The following BAG4 variants were observed in gnomAD, a reference collection of about 807,000 sequenced individuals.
BAG4 encodes the protein BAG cochaperone 4.
Under a neutral mutation model 52.1 loss-of-function variants are expected in BAG4, and 28 were observed. The observed-to-expected ratio is 0.54, with a 90% CI of 0.40 to 0.74. The LOEUF (loss-of-function observed/expected upper bound fraction) is 0.74. Among genes scored for constraint, BAG4 ranks in the 30% least tolerant of loss-of-function variants. The pLI is 0.00. For missense variants in BAG4, 525 were observed against 572.0 expected (o/e 0.92, Z 0.84); for synonymous variants, 208 against 217.0 (o/e 0.96, Z 0.37).
chr8:38,210,195 A>T lies in BAG4; in HGVS notation c.1076A>T (p.Gln359Leu), dbSNP rs2130694226. Residue 359 changes from glutamine to leucine, a missense_variant, in exon 5 of 5, where the codon CAA (glutamine) becomes CTA (leucine). Coordinates refer to ENST00000287322, the MANE Select transcript of BAG4 (RefSeq NM_004874.4). ...GNATSDHPNNQDQSSSLPEEC... is the reference protein window; with the variant it reads ...GNATSDHPNNLDQSSSLPEEC... Reference sequence around the variant, plus strand: ...GCCACCAGTGACCATCCCAACAATCAAGATCAAAGTAGCAGTCTTCCTGAA... The same window carrying T: ...GCCACCAGTGACCATCCCAACAATCTAGATCAAAGTAGCAGTCTTCCTGAA... The T allele has an allele frequency of 6.2e-7, 1 of 1,614,184 alleles. No homozygotes were observed. The highest frequency in any genetic ancestry group is 1.6e-4 in the Middle Eastern group (1 of 6,062).
At chr8:38,180,035 C>T (rs1003146040) in intron 1 of BAG4, among the ~76,000 whole-genome samples, 10 of 152,072 alleles carry the variant, frequency 6.6e-5, no homozygotes, top group African/African-American at 2.4e-4. Context: ...AAGGGGTTGT[C>T]AGGTGTGGTT....
At chr8:38,189,975 T>A (rs898714547) in intron 1 of BAG4, among the ~76,000 whole-genome samples, 1 of 152,108 alleles carries the variant, frequency 6.6e-6, no homozygotes, top group African/African-American at 2.4e-5. Flanking sequence ...TTAGTAGAGA[T>A]GGGGTTTCAC....
At chr8:38,190,939 G>A (rs910347487) in intron 1 of BAG4, among the ~76,000 whole-genome samples, 1 of 151,882 alleles carries the variant, frequency 6.6e-6, no homozygotes, top group Non-Finnish European at 1.5e-5. Context: ...TGTATTTTTA[G>A]TAGAGACGGG....
intron 2 of BAG4, among the ~76,000 whole-genome samples, chr8:38,203,797 T>C (rs1025554349): frequency 1.4e-5 from 2 of 148,072 alleles, no homozygotes; most frequent in Non-Finnish European, 3.0e-5. Context: ...ATGGTGCCAC[T>C]GTACTCTAGC....
At chr8:38,188,057 A>AAAG (rs1204911656) in intron 1 of BAG4, among the ~76,000 whole-genome samples, 2 of 150,246 alleles carry the variant, frequency 1.3e-5, no homozygotes, top group East Asian at 3.9e-4. Flanking sequence ...AAAAAAAAAA[A>AAAG]AGGAAGAAGA....
chr8:38,197,674 CT>C (rs1423730665), intron 2 of BAG4, among the ~76,000 whole-genome samples: 1 of 152,092 alleles, frequency 6.6e-6, no homozygotes, highest in Admixed American at 6.6e-5. Flanking sequence ...AATACTGTAA[CT>C]TTTTTACTTT....
chr8:38,194,162 G>A (rs567875528), intron 2 of BAG4, among the ~76,000 whole-genome samples: 5 of 152,114 alleles, frequency 3.3e-5, no homozygotes, highest in East Asian at 3.9e-4. Context: ...ATGAGCCATC[G>A]TGCTCGGCCT....
At chr8:38,196,937 C>T (rs1390445034) in intron 2 of BAG4, among the ~76,000 whole-genome samples, 3 of 151,702 alleles carry the variant, frequency 2.0e-5, no homozygotes, top group Admixed American at 6.6e-5. Flanking sequence ...ATTAGCTGGG[C>T]GTGGTGGCAG....
intron 2 of BAG4, among the ~76,000 whole-genome samples, chr8:38,201,156 AGCAACAGTAATAATGT>A (rs1236109136): frequency 6.6e-6 from 1 of 152,228 alleles, no homozygotes; most frequent in African/African-American, 2.4e-5. Context: ...ACTTTTTAAA[AGCAACAGTAATAATGT>A]GCAAATGTTT....
intron 1 of BAG4, among the ~76,000 whole-genome samples, 177 bp downstream of exon 1, chr8:38,177,316 C>T (rs1389754669): frequency 1.3e-5 from 2 of 152,102 alleles, no homozygotes; most frequent in Non-Finnish European, 2.9e-5. Flanking sequence ...TCCCTTTGCC[C>T]CTCCTTTTCT....
chr8:38,212,655 CAG>C lies in BAG4; in HGVS notation c.*2163_*2164del, dbSNP rs748106356. ...TCCAGTCTGTGACAGTGTATCATAA[CAG>C]GGGATACCTGATGTTGTAATGTATT... On this transcript the variant is annotated 3_prime_UTR_variant, in exon 5 of 5. Transcript: ENST00000287322. 3.3e-5 allele frequency: 5 copies of C among 152,308 alleles called. No individual in the cohort carries two copies. Among genetic ancestry groups the C allele is most frequent in the Admixed American group, 6.5e-5 (1 of 15,286 alleles). The allele number at this position is 152,308 out of a possible 1,614,324, so 9.4% of individuals were successfully genotyped here. A position where few individuals can be genotyped will look rare whatever the true frequency, so the allele number is the denominator to read the frequency against.
chr8:38,210,656 T>C lies in BAG4; in HGVS notation c.*163T>C. On this transcript the variant is annotated 3_prime_UTR_variant, in exon 5 of 5. Transcript: ENST00000287322. ...AAACTGGCAAAGGAATGGAAGAATA[T>C]TTTAGTCATGAGTTGTTTTCAGTTT... 2 of 956,040 alleles carry C rather than the reference T, an allele frequency of 2.1e-6. No homozygotes were observed. The highest frequency in any genetic ancestry group is 4.5e-5 in the South Asian group (2 of 44,734). 59.2% of individuals were successfully genotyped at this position (956,040 alleles called of 1,614,324 possible).
At position 38,207,781 on chromosome 8, in the gene BAG4, A is replaced by G. The variant is rs1385678091; in HGVS notation, c.633+15A>G. Reference sequence around the variant, plus strand: ...CGCCTTCACAGGTGAGTTGTTTTCTATTGGGAAAAAAATGAATTCAAAGTC... The same window carrying G: ...CGCCTTCACAGGTGAGTTGTTTTCTGTTGGGAAAAAAATGAATTCAAAGTC... On this transcript the variant is annotated intron_variant, in intron 3 of 4. Coordinates refer to ENST00000287322, the MANE Select transcript of BAG4 (RefSeq NM_004874.4). 3 of 1,612,528 alleles carry G rather than the reference A, an allele frequency of 1.9e-6. No individual in the cohort carries two copies. The highest frequency in any genetic ancestry group is 2.5e-6 in the Non-Finnish European group (3 of 1,179,302).
At chr8:38,199,324 G>T (rs904110879) in intron 2 of BAG4, among the ~76,000 whole-genome samples, 4 of 152,210 alleles carry the variant, frequency 2.6e-5, no homozygotes, top group Admixed American at 1.3e-4. Flanking sequence ...TGCAGTGCAT[G>T]ACTGTATATG....
At chr8:38,194,486 A>T (rs1389863642) in intron 2 of BAG4, among the ~76,000 whole-genome samples, 2 of 138,470 alleles carry the variant, frequency 1.4e-5, no homozygotes, top group African/African-American at 2.7e-5. Context: ...GCGCGATCTC[A>T]GCTCATTGCA....
intron 2 of BAG4, among the ~76,000 whole-genome samples, chr8:38,199,975 CTA>C (rs1563283411): frequency 6.7e-6 from 1 of 150,034 alleles, no homozygotes; most frequent in African/African-American, 2.4e-5. Flanking sequence ...TGTTGAAAGA[CTA>C]TGTTTTTTCC....
At chr8:38,186,499 G>A (rs1803368458) in intron 1 of BAG4, among the ~76,000 whole-genome samples, 2 of 152,200 alleles carry the variant, frequency 1.3e-5, no homozygotes, top group African/African-American at 4.8e-5. Context: ...GGAGGTTGTT[G>A]TGCAAAGCAA....
intron 2 of BAG4, among the ~76,000 whole-genome samples, chr8:38,198,599 C>T (rs1803608244): frequency 6.6e-6 from 1 of 150,714 alleles, no homozygotes; most frequent in Admixed American, 6.6e-5. Context: ...AGCAATTCTC[C>T]TGCCTCAGCC....
intron 4 of BAG4, 154 bp downstream of exon 4, chr8:38,209,421 TTTTC>T (rs1455781158): frequency 1.2e-5 from 11 of 951,298 alleles, no homozygotes; most frequent in South Asian, 2.1e-5. Context: ...TCGGTTTCCT[TTTTC>T]TTTTTTTTAA....
Sources: gnomAD v4.1 joint callset for allele counts (sites outside exome capture counted in the v4.1 genomes callset) on GRCh38, gnomAD v4.1.1 for gene constraint, MANE v1.5 for transcripts, NCBI Gene and HGNC (gene_info 2026-07-23, HGNC 2026-07-21) for gene names.